Variants in FHOD3 observed in about 807,000 individuals in gnomAD.
FHOD3 encodes the protein FH1/FH2 domain-containing protein 3.
Under a neutral mutation model 173.0 loss-of-function variants are expected in FHOD3, and 90 were observed. The observed-to-expected ratio is 0.52, with a 90% CI of 0.44 to 0.62. FHOD3 has a LOEUF of 0.62. Ranked by LOEUF, FHOD3 falls within the 20% of genes least tolerant of loss-of-function variation. The probability of loss-of-function intolerance (pLI) is 0.00; values close to 1 mark genes in which losing one functional copy is unlikely to be tolerated. For synonymous variants in FHOD3, 828 were observed against 823.0 expected (o/e 1.01, Z -0.10); for missense variants, 1,945 against 2,034.7 (o/e 0.96, Z 0.85).
chr18:36,751,863 G>A (rs1372640443), intron 24 of FHOD3, among the ~76,000 whole-genome samples: 1 of 152,144 alleles, frequency 6.6e-6, no homozygotes, highest in Non-Finnish European at 1.5e-5. Context: ...ACTGTGAAAG[G>A]CACAGAGAGG....
intron 14 of FHOD3, among the ~76,000 whole-genome samples, chr18:36,669,783 T>C (rs2037411072): frequency 6.6e-6 from 1 of 151,984 alleles, no homozygotes; most frequent in Non-Finnish European, 1.5e-5. Context: ...ATTGATTATC[T>C]TTTAAATATA....
At chr18:36,389,330 C>T (rs928707955) in intron 3 of FHOD3, among the ~76,000 whole-genome samples, 3 of 152,220 alleles carry the variant, frequency 2.0e-5, no homozygotes, top group Admixed American at 6.5e-5. Context: ...CCTCCCACCC[C>T]GCCATTGTGG....
At position 36,597,520 on chromosome 18, in the gene FHOD3, G is replaced by A. The variant is rs539864868; in HGVS notation, c.718+2622G>A. On this transcript the variant is annotated intron_variant, in intron 7 of 28. Transcript: ENST00000590592. ...CAGCTCACTGCAAGCTCTGCCTCTCGGGTTCACGCCATTCTCCTGCCTCAG... is the reference window on the plus strand; with the variant it reads ...CAGCTCACTGCAAGCTCTGCCTCTCAGGTTCACGCCATTCTCCTGCCTCAG... Among the ~76,000 whole-genome samples, 18 of 152,120 alleles carry A rather than the reference G, an allele frequency of 1.2e-4. No homozygotes were observed. The South Asian group carries it at 3.5e-3, about 30-fold the overall frequency.
At chr18:36,499,698 G>A (rs1236621537) in intron 3 of FHOD3, among the ~76,000 whole-genome samples, 1 of 152,148 alleles carries the variant, frequency 6.6e-6, no homozygotes, top group Non-Finnish European at 1.5e-5. Context: ...CATATGTTGA[G>A]GCCACACAGA....
At chr18:36,333,242 C>T (rs551125600) in intron 1 of FHOD3, among the ~76,000 whole-genome samples, 266 of 152,220 alleles carry the variant, frequency 1.7e-3, no homozygotes, top group Middle Eastern at 3.4e-3. Flanking sequence ...TTTTACTTGC[C>T]AAAGGAGGGA....
chr18:36,349,420 A>T, intron 1 of FHOD3, among the ~76,000 whole-genome samples: 1 of 152,220 alleles, frequency 6.6e-6, no homozygotes, highest in East Asian at 1.9e-4. Flanking sequence ...GGATGCAGGG[A>T]TGGGGGAACC....
intron 1 of FHOD3, among the ~76,000 whole-genome samples, chr18:36,337,144 C>G (rs2145366307): frequency 6.7e-6 from 1 of 149,968 alleles, no homozygotes; most frequent in African/African-American, 2.5e-5. Context: ...TGCACTCCAG[C>G]CTGGGTGAAA....
intron 4 of FHOD3, among the ~76,000 whole-genome samples, chr18:36,510,975 A>C (rs549712765): frequency 2.4e-4 from 37 of 152,288 alleles, no homozygotes; most frequent in African/African-American, 8.4e-4. Context: ...CCCCATCCAT[A>C]TAATTGAAAA....
At chr18:36,721,585 TGCATTGAGCTGTGATCATGCCACTGCA>T (rs1412024553) in intron 19 of FHOD3, among the ~76,000 whole-genome samples, 1 of 152,102 alleles carries the variant, frequency 6.6e-6, no homozygotes, top group African/African-American at 2.4e-5. Flanking sequence ...AGGTCAAGGT[TGCATTGAGCTGTGATCATGCCACTGCA>T]CTCCAGTCTG....
intron 5 of FHOD3, among the ~76,000 whole-genome samples, chr18:36,523,750 TC>T (rs1239199694): frequency 6.6e-6 from 1 of 152,122 alleles, no homozygotes; most frequent in Non-Finnish European, 1.5e-5. Flanking sequence ...ACCTCTTAGA[TC>T]CCTTCCAGCT....
intron 1 of FHOD3, among the ~76,000 whole-genome samples, chr18:36,298,464 C>T (rs1788165167): frequency 6.6e-6 from 1 of 152,150 alleles, no homozygotes; most frequent in South Asian, 2.1e-4. Flanking sequence ...CCTCAGGCCT[C>T]TGGGGCCGCT....
intron 17 of FHOD3, among the ~76,000 whole-genome samples, chr18:36,697,737 G>A (rs376980455): frequency 7.9e-5 from 12 of 152,134 alleles, no homozygotes; most frequent in African/African-American, 2.4e-4. Context: ...TTTAAAGTAT[G>A]GGTAAATATG....
chr18:36,348,324 T>C (rs963960687), intron 1 of FHOD3, among the ~76,000 whole-genome samples: 2 of 152,162 alleles, frequency 1.3e-5, no homozygotes, highest in Non-Finnish European at 2.9e-5. Flanking sequence ...CTGACTGCTT[T>C]TGGGCTTCTC....
chr18:36,350,331 T>C (rs2145666987), intron 1 of FHOD3, among the ~76,000 whole-genome samples: 1 of 152,346 alleles, frequency 6.6e-6, no homozygotes, highest in East Asian at 1.9e-4. Flanking sequence ...GCCACAGATT[T>C]ACAGCCCTAT....
chr18:36,694,355 G>A (rs76460346), intron 17 of FHOD3, among the ~76,000 whole-genome samples: 4,461 of 152,262 alleles, frequency 0.029, 224 homozygotes, highest in African/African-American at 0.1. Context: ...GATATTGTCT[G>A]TCCAATTCTT....
chr18:36,690,889 C>A (rs2038922594), intron 16 of FHOD3, among the ~76,000 whole-genome samples: 4 of 152,144 alleles, frequency 2.6e-5, no homozygotes, highest in Admixed American at 2.6e-4. Flanking sequence ...CCTCTTTATC[C>A]ATGAAGCAAC....
chr18:36,400,836 C>G (rs1374826026), intron 3 of FHOD3, among the ~76,000 whole-genome samples: 1 of 152,084 alleles, frequency 6.6e-6, no homozygotes, highest in Non-Finnish European at 1.5e-5. Flanking sequence ...AGGAGAGGAC[C>G]CATCCCGGAA....
chr18:36,718,632 TCAAAACTGGAACC>T lies in FHOD3; in HGVS notation c.3337_3349del (p.Lys1113LeufsTer49). 6.2e-7 allele frequency: 1 copy of T among 1,614,108 alleles called. No homozygotes were observed. Among genetic ancestry groups the T allele is most frequent in the Non-Finnish European group, 8.5e-7 (1 of 1,180,016 alleles). Reference sequence around the variant, plus strand: ...CCGACGCTGCAGAGAATTCCTGTGGTCAAAACTGGAACCCATTAAGGTGGACACTTCCAGACTG... The same window carrying T: ...CCGACGCTGCAGAGAATTCCTGTGGTCATTAAGGTGGACACTTCCAGACTG... On this transcript the variant is annotated frameshift_variant, in exon 19 of 29. Transcript: ENST00000590592. LOFTEE classifies it high-confidence loss of function.
chr18:36,422,719 T>G (rs186253583), intron 3 of FHOD3, among the ~76,000 whole-genome samples: 1 of 152,316 alleles, frequency 6.6e-6, no homozygotes, highest in African/African-American at 2.4e-5. Flanking sequence ...AAAGCCTTTT[T>G]GAGAAACAAA....
Sources: allele counts gnomAD v4.1 joint callset (sites outside exome capture counted in the v4.1 genomes callset), GRCh38; gene constraint gnomAD v4.1.1; transcripts MANE v1.5; gene names NCBI Gene and HGNC (gene_info 2026-07-23, HGNC 2026-07-21).